The following TTLL1 variants were observed in gnomAD, a reference collection of about 807,000 sequenced individuals.
The protein encoded by TTLL1 is TTL family tubulin polyglutamylase complex subunit L1, also known as polyglutamylase complex subunit TTLL1.
TTLL1 carries 33 observed loss-of-function variants against 47.8 expected under a neutral mutation model. The observed-to-expected ratio is 0.69, with a 90% confidence interval of 0.52 to 0.92. TTLL1 has a LOEUF of 0.92. Ranked by LOEUF, TTLL1 falls within the 40% of genes least tolerant of loss-of-function variation. TTLL1 has a pLI of 0.00. For synonymous variants in TTLL1, 225 were observed against 214.1 expected (o/e 1.05, Z -0.45); for missense variants, 488 against 547.5 (o/e 0.89, Z 1.08).
At chr22:43,086,856 T>C (rs1181168549) in intron 1 of TTLL1, among the ~76,000 whole-genome samples, 1 of 152,168 alleles carries the variant, frequency 6.6e-6, no homozygotes, top group Non-Finnish European at 1.5e-5. Context: ...GACCAATGTG[T>C]GACACACACA....
chr22:43,048,088 C>T (rs538224670), intron 9 of TTLL1, among the ~76,000 whole-genome samples: 84 of 152,094 alleles, frequency 5.5e-4, no homozygotes, highest in African/African-American at 1.8e-3. Context: ...GACGCTGAGG[C>T]GGGTGGATCA....
At chr22:43,080,647 C>T (rs1336699512) in intron 1 of TTLL1, among the ~76,000 whole-genome samples, 1 of 152,100 alleles carries the variant, frequency 6.6e-6, no homozygotes, top group African/African-American at 2.4e-5. Flanking sequence ...CCTGGAACGG[C>T]CCCTCTGCAC....
At chr22:43,082,993 G>T (rs1928996014) in intron 1 of TTLL1, among the ~76,000 whole-genome samples, 1 of 151,182 alleles carries the variant, frequency 6.6e-6, no homozygotes, top group Admixed American at 6.7e-5. Context: ...CAGCCTTGGT[G>T]ACAAGAACAA....
chr22:43,074,528 A>AT (rs1025932238), intron 3 of TTLL1, among the ~76,000 whole-genome samples: 3 of 151,224 alleles, frequency 2.0e-5, no homozygotes, highest in African/African-American at 7.3e-5. Flanking sequence ...ATTTCATTCC[A>AT]TTTTTTGCTG....
intron 1 of TTLL1, among the ~76,000 whole-genome samples, chr22:43,087,923 G>A (rs1404162592): frequency 4.1e-5 from 6 of 144,846 alleles, no homozygotes; most frequent in South Asian, 4.4e-4. Flanking sequence ...CGAGGTGGGC[G>A]GATCACCTGA....
chr22:43,043,192 T>C (rs142303302), intron 10 of TTLL1, among the ~76,000 whole-genome samples: 5,164 of 151,854 alleles, frequency 0.034, 303 homozygotes, highest in African/African-American at 0.12. Context: ...CCACCTGCCT[T>C]GGCCTCCCAA....
chr22:43,070,033 C>G (rs921653511), intron 3 of TTLL1, 189 bp from the exon 4 acceptor site: 1 of 1,206,546 alleles, frequency 8.3e-7, no homozygotes, highest in African/African-American at 1.5e-5. Flanking sequence ...AGGCCGGGAC[C>G]CAAGTGGTGT....
At chr22:43,043,003 G>A (rs982935407) in intron 10 of TTLL1, among the ~76,000 whole-genome samples, 23 of 147,436 alleles carry the variant, frequency 1.6e-4, no homozygotes, top group Non-Finnish European at 3.1e-4. Flanking sequence ...GCGGTGGCAC[G>A]ATCTCGGCTC....
chr22:43,046,336 A>G (rs1194509713), intron 10 of TTLL1, 74 bp downstream of exon 10: 2 of 1,557,766 alleles, frequency 1.3e-6, no homozygotes, highest in East Asian at 4.5e-5. Context: ...ATATGCCCAG[A>G]AATCCAAGCT....
At chr22:43,078,700 A>C (rs116382299) in intron 2 of TTLL1, among the ~76,000 whole-genome samples, 1 of 152,118 alleles carries the variant, frequency 6.6e-6, no homozygotes, top group African/African-American at 2.4e-5. Flanking sequence ...TGAGCAATAA[A>C]CAGAACCGCT....
intron 8 of TTLL1, among the ~76,000 whole-genome samples, chr22:43,054,519 G>A (rs962550374): frequency 1.3e-5 from 2 of 151,128 alleles, no homozygotes; most frequent in African/African-American, 4.9e-5. Flanking sequence ...CCACCTCCCA[G>A]GTTCAAGCGA....
At chr22:43,052,989 G>A (rs1423261083) in intron 8 of TTLL1, among the ~76,000 whole-genome samples, 3 of 152,130 alleles carry the variant, frequency 2.0e-5, no homozygotes, top group African/African-American at 7.2e-5. Flanking sequence ...GAACCTGGGA[G>A]GCGGAGGTTG....
intron 7 of TTLL1, among the ~76,000 whole-genome samples, chr22:43,059,847 G>A (rs1300506504): frequency 2.0e-5 from 3 of 152,028 alleles, no homozygotes; most frequent in African/African-American, 7.3e-5. Flanking sequence ...GTGCCACTAT[G>A]CCTGGCTAAT....
intron 3 of TTLL1, 189 bp from the exon 4 acceptor site, chr22:43,070,033 C>T (rs921653511): frequency 1.7e-6 from 2 of 1,206,664 alleles, no homozygotes; most frequent in Non-Finnish European, 2.3e-6. Flanking sequence ...AGGCCGGGAC[C>T]CAAGTGGTGT....
chr22:43,064,546 G>GA, intron 5 of TTLL1, among the ~76,000 whole-genome samples: 1 of 151,956 alleles, frequency 6.6e-6, no homozygotes, highest in South Asian at 2.1e-4. Context: ...TCAACACGGT[G>GA]AAACCCCGTC....
intron 10 of TTLL1, among the ~76,000 whole-genome samples, chr22:43,045,126 G>T (rs57673384): frequency 6.6e-6 from 1 of 152,284 alleles, no homozygotes; most frequent in African/African-American, 2.4e-5. Context: ...CTCCTGAAGT[G>T]CTGGGATTAC....
chr22:43,068,663 TTG>T, intron 4 of TTLL1, 73 bp from the exon 5 acceptor site: 2 of 1,337,362 alleles, frequency 1.5e-6, no homozygotes, highest in Non-Finnish European at 1.9e-6. Flanking sequence ...GATCTTGCCC[TTG>T]CCTTTCCAGG....
In TTLL1 at chr22:43,066,224, G is replaced by A. The variant is rs1375981084; in HGVS notation, c.504-1900C>T. 4.0e-5 allele frequency among the ~76,000 whole-genome samples: 6 copies of A among 151,838 alleles called. No homozygotes were observed. In the South Asian group the frequency reaches 8.3e-4, roughly 21 times the overall value. On this transcript the variant is annotated intron_variant, in intron 5 of 10. Coordinates refer to ENST00000266254, the MANE Select transcript of TTLL1 (RefSeq NM_012263.5). ...AAAAAATGGATGGTAAAGACCAAAG[G>A]TGCATCTCGTCAGCTGGCAACACGC...
chr22:43,081,907 T>C (rs559169955), intron 1 of TTLL1, among the ~76,000 whole-genome samples: 30 of 124,052 alleles, frequency 2.4e-4, no homozygotes, highest in Non-Finnish European at 4.4e-4. Flanking sequence ...TGGAGTGCAG[T>C]GGCACCATCT....
Sources: gnomAD v4.1 joint callset for allele counts (sites outside exome capture counted in the v4.1 genomes callset) on GRCh38, gnomAD v4.1.1 for gene constraint, MANE v1.5 for transcripts, NCBI Gene and HGNC (gene_info 2026-07-23, HGNC 2026-07-21) for gene names.